PHF21B: variants seen among roughly 807,000 people sequenced by gnomAD.
PHF21B encodes the protein PHD finger protein 21B, also known as PHD finger protein 4.
Under a neutral mutation model 62.2 loss-of-function variants are expected in PHF21B, and 22 were observed. The observed-to-expected ratio is 0.35, with a 90% CI of 0.25 to 0.51. The LOEUF is 0.51. Ranked by LOEUF, PHF21B falls within the 20% of genes least tolerant of loss-of-function variation. The pLI, the probability that PHF21B is intolerant of heterozygous loss-of-function variation, is 0.97. For synonymous variants in PHF21B, 341 were observed against 314.7 expected, an observed-to-expected ratio of 1.08 and a Z score of -0.88; for missense variants, 701 against 707.9, an observed-to-expected ratio of 0.99 and a Z score of 0.11.
At chr22:44,900,931 G>A (rs1299905851) in intron 5 of PHF21B, among the ~76,000 whole-genome samples, 2 of 152,168 alleles carry the variant, frequency 1.3e-5, no homozygotes, top group Admixed American at 1.3e-4. Context: ...GTCCTTTCAA[G>A]ATGCAGATTA....
At position 44,913,946 on chromosome 22, in the gene PHF21B, G is replaced by A; in HGVS notation, c.707C>T (p.Pro236Leu). ...HGIFQVIIIQPQVQTQPESTA... is the reference protein window; with the variant it reads ...HGIFQVIIIQLQVQTQPESTA... ...GCTCTCGGGCTGCGTCTGCACTTGA[G>A]GCTGAATGATGATGACCTGGAAGAT... The change falls in exon 5 of 13, where the codon CCT (proline) becomes CTT (leucine). Residue 236 changes from proline (P) to leucine (L), a missense_variant. By Grantham distance (98) the Pro-to-Leu change is moderately conservative (BLOSUM62 -3). Coordinates refer to ENST00000313237, the MANE Select transcript of PHF21B (RefSeq NM_138415.5). 2 of 1,613,566 alleles carry A rather than the reference G, an allele frequency of 1.2e-6. No individual in the cohort carries two copies. The highest frequency in any genetic ancestry group is 1.7e-6 in the Non-Finnish European group (2 of 1,179,854).
At chr22:44,963,296 A>T (rs1467076491) in intron 2 of PHF21B, among the ~76,000 whole-genome samples, 1 of 152,224 alleles carries the variant, frequency 6.6e-6, no homozygotes, top group East Asian at 1.9e-4. Context: ...ACACCACTGC[A>T]GCGGCCCCGA....
chr22:44,883,042 G>A lies in PHF21B; in HGVS notation c.*44C>T, dbSNP rs1218537214. The A allele has an allele frequency of 3.2e-6, 5 of 1,553,188 alleles. No individual in the cohort carries two copies. Among genetic ancestry groups the A allele is most frequent in the Non-Finnish European group, 2.6e-6 (3 of 1,148,664 alleles). On this transcript the variant is annotated 3_prime_UTR_variant, in exon 13 of 13. Transcript: ENST00000313237. ...CAGAACCCCCAGGCTGTGTAAGCAG[G>A]GTCCCAATAACTTTCCGTGGGTATG...
At chr22:44,996,946 C>T (rs1476344936) in intron 2 of PHF21B, among the ~76,000 whole-genome samples, 1 of 152,152 alleles carries the variant, frequency 6.6e-6, no homozygotes, top group Non-Finnish European at 1.5e-5. Context: ...ACATGCACAT[C>T]GCTTCCCCGT....
In PHF21B at chr22:45,009,183, GA is replaced by G; in HGVS notation, c.54+312del. On this transcript the variant is annotated intron_variant, in intron 1 of 12. Transcript: ENST00000313237. This position sits in a 1 kb window ranked among gnomAD's most constrained non-coding sequence, Gnocchi z 5.9. The stretch of plus-strand genomic sequence containing the variant: ...GGCCTATTCGCACTCCCCTCCCCGG[GA>G]CCGGCTCACGAAGGGGCCCCCTCCA... 1 of 441,754 alleles carries G rather than the reference GA, an allele frequency of 2.3e-6. No homozygotes were observed. The highest frequency in any genetic ancestry group is 3.6e-6 in the Non-Finnish European group (1 of 274,630). 27.4% of individuals were successfully genotyped at this position (441,754 alleles called of 1,614,324 possible). A position where few individuals can be genotyped will look rare whatever the true frequency, so the allele number is the denominator to read the frequency against.
chr22:44,948,990 A>T (rs2072135948), intron 2 of PHF21B, among the ~76,000 whole-genome samples: 1 of 152,120 alleles, frequency 6.6e-6, no homozygotes, highest in South Asian at 2.1e-4. Flanking sequence ...TTGGGAAGTA[A>T]CGCTCAAGCT....
rs80280978 is a variant in PHF21B, at chr22:44,950,575, G to A, written c.121-30085C>T. Among the ~76,000 whole-genome samples the A allele has an allele frequency of 1.0e-3, 152 of 147,102 alleles. No homozygotes were observed. In the Middle Eastern group the frequency reaches 0.011, roughly 10 times the overall value. ...CATTGCTTCTGTTCTTCGTGTTCGT[G>A]TTTTTTTTTTTCTTTTGAAAAACTC... On this transcript the variant is annotated intron_variant, in intron 2 of 12. Coordinates refer to ENST00000313237, the MANE Select transcript of PHF21B (RefSeq NM_138415.5).
chr22:44,920,221 G>T (rs1555939729), intron 3 of PHF21B, among the ~76,000 whole-genome samples, 177 bp downstream of exon 3: 1 of 152,176 alleles, frequency 6.6e-6, no homozygotes, highest in South Asian at 2.1e-4. Context: ...AACGTATCTG[G>T]TCCAAATGTT....
chr22:45,005,974 C>G (rs1197517851), intron 2 of PHF21B, among the ~76,000 whole-genome samples: 2 of 152,164 alleles, frequency 1.3e-5, no homozygotes, highest in African/African-American at 4.8e-5. Flanking sequence ...CCCAGAGTCA[C>G]CTCCAAAGGC....
intron 2 of PHF21B, among the ~76,000 whole-genome samples, chr22:44,997,406 T>C (rs1463564389): frequency 2.0e-5 from 3 of 152,182 alleles, no homozygotes; most frequent in Non-Finnish European, 4.4e-5. Flanking sequence ...GGGGACCTTC[T>C]TGCAATGGCT....
chr22:44,996,791 C>T (rs558594708), intron 2 of PHF21B, among the ~76,000 whole-genome samples: 1 of 152,218 alleles, frequency 6.6e-6, no homozygotes, highest in African/African-American at 2.4e-5. Context: ...CAAGCACACA[C>T]ACATGCATAC....
At position 44,913,939 on chromosome 22, in the gene PHF21B, C is replaced by A. The variant is rs756211500; in HGVS notation, c.714G>T (p.Val238=). 81 of 1,607,318 alleles carry A rather than the reference C, an allele frequency of 5.0e-5. No homozygotes were observed. Among genetic ancestry groups the A allele is most frequent in the Non-Finnish European group, 6.3e-5 (74 of 1,176,574 alleles). Residue 238 remains valine, a synonymous_variant, in exon 5 of 13, where the codon GTG becomes GTT. Coordinates refer to ENST00000313237, the MANE Select transcript of PHF21B (RefSeq NM_138415.5). The stretch of plus-strand genomic sequence containing the variant: ...CTGCCGTGCTCTCGGGCTGCGTCTG[C>A]ACTTGAGGCTGAATGATGATGACCT... ...IFQVIIIQPQ[V]QTQPESTAES...
intron 2 of PHF21B, among the ~76,000 whole-genome samples, chr22:44,928,594 G>C (rs937594053): frequency 6.6e-6 from 1 of 152,172 alleles, no homozygotes; most frequent in Non-Finnish European, 1.5e-5. Context: ...ATTTTTAGTA[G>C]AGACAGTGTT....
chr22:44,942,837 T>C (rs1212881339), intron 2 of PHF21B, among the ~76,000 whole-genome samples: 1 of 152,166 alleles, frequency 6.6e-6, no homozygotes, highest in Admixed American at 6.5e-5. Flanking sequence ...TTGCCCCAGC[T>C]GGACCTGAGT....
At position 44,977,357 on chromosome 22, in the gene PHF21B, G is replaced by A. The variant is rs904087896; in HGVS notation, c.120+31188C>T. ...AGGTGGGCAGATCACCAGAGGTCAG[G>A]AGTTTGAGACCAGCCTGGCCAACAT... On this transcript the variant is annotated intron_variant, in intron 2 of 12. Coordinates refer to ENST00000313237, the MANE Select transcript of PHF21B (RefSeq NM_138415.5). 5.9e-5 allele frequency among the ~76,000 whole-genome samples: 9 copies of A among 151,650 alleles called. 1 individual carries two copies.
In PHF21B at chr22:45,009,585, G is replaced by GC. The variant is rs1286953996; in HGVS notation, c.-37dup. 6.5e-7 allele frequency: 1 copy of GC among 1,531,276 alleles called. No individual in the cohort carries two copies. Among genetic ancestry groups the GC allele is most frequent in the Admixed American group, 2.0e-5 (1 of 49,598 alleles). 94.9% of individuals were successfully genotyped at this position (1,531,276 alleles called of 1,614,324 possible). ...TGGGCAGCACTTTGCGCTCACTTTG[G>GC]CCCGGGCTCCCGGGAAGTTGCGCGG... On this transcript the variant is annotated 5_prime_UTR_variant, in exon 1 of 13. Transcript: ENST00000313237. The surrounding 1 kb of genome is among the most constrained non-coding windows in gnomAD (Gnocchi z 5.9).
intron 2 of PHF21B, among the ~76,000 whole-genome samples, chr22:44,959,921 C>T (rs920999311): frequency 5.9e-5 from 9 of 152,202 alleles, no homozygotes; most frequent in African/African-American, 2.2e-4. Context: ...AAAAGTAAGC[C>T]TGGCCAGCTT....
At chr22:44,896,228 G>T in intron 5 of PHF21B, 145 bp from the exon 6 acceptor site, 1 of 828,720 alleles carries the variant, frequency 1.2e-6, no homozygotes, top group Non-Finnish European at 2.1e-6. Flanking sequence ...TGCCAAGTCA[G>T]TTTCTAAGAA....
At chr22:44,947,106 C>A (rs1257601450) in intron 2 of PHF21B, among the ~76,000 whole-genome samples, 1 of 152,260 alleles carries the variant, frequency 6.6e-6, no homozygotes, top group Non-Finnish European at 1.5e-5. Context: ...TCCAAGATCA[C>A]GCACTGCGTG....
Sources: allele counts gnomAD v4.1 joint callset (sites outside exome capture counted in the v4.1 genomes callset), GRCh38; gene constraint gnomAD v4.1.1; non-coding constraint Gnocchi (gnomAD v3.1); transcripts MANE v1.5; gene names NCBI Gene and HGNC (gene_info 2026-07-23, HGNC 2026-07-21).